AP5Z1: variants seen among roughly 807,000 people sequenced by gnomAD.
The protein encoded by AP5Z1 is adaptor related protein complex 5 subunit zeta 1.
AP5Z1 carries 106 observed loss-of-function variants against 83.0 expected under a neutral mutation model. The observed-to-expected ratio is 1.28, with a 90% CI of 1.09 to 1.50. The LOEUF is 1.50. Ranked by LOEUF, AP5Z1 falls within the 40% of genes most tolerant of loss-of-function variation. The pLI is 0.00. For missense variants in AP5Z1, 1,565 were observed against 1,094.2 expected (o/e 1.43, Z -6.07); for synonymous variants, 751 against 514.1 (o/e 1.46, Z -6.23).
At chr7:4,779,653 T>C (rs1781327671) in intron 1 of AP5Z1, among the ~76,000 whole-genome samples, 1 of 151,498 alleles carries the variant, frequency 6.6e-6, no homozygotes, top group African/African-American at 2.4e-5. Flanking sequence ...TTTTTTTTTG[T>C]TTTTGAGACG....
chr7:4,785,500 TG>T (rs2115113178), intron 8 of AP5Z1, 21 bp from the exon 9 acceptor site: 2 of 1,613,340 alleles, frequency 1.2e-6, no homozygotes, highest in Non-Finnish European at 1.7e-6. Context: ...TCGGCCCATT[TG>T]ATGTGGTCCA....
chr7:4,791,011 AGCTAAAGCCACTCTGCTGG>A, intron 16 of AP5Z1, 85 bp from the exon 17 acceptor site: 5 of 1,468,088 alleles, frequency 3.4e-6, no homozygotes, highest in Non-Finnish European at 4.5e-6. Flanking sequence ...GGCCCTGCTG[AGCTAAAGCCACTCTGCTGG>A]GCGCTTCAGG....
In AP5Z1 at chr7:4,785,408, C is replaced by T. The variant is rs772427804; in HGVS notation, c.932-7C>T. ...CAGAGCCGGCTGACTTTTTCCCCTC[C>T]TTCCAGGAGCCCTGAGGAAGGGGGA... is the stretch of plus-strand genomic sequence containing the variant. On this transcript the variant is annotated splice_polypyrimidine_tract_variant and splice_region_variant and intron_variant, in intron 7 of 16. Coordinates refer to ENST00000649063, the MANE Select transcript of AP5Z1 (RefSeq NM_014855.3). 5.0e-6 allele frequency: 8 copies of T among 1,612,774 alleles called. No individual in the cohort carries two copies. In the African/African-American group the frequency reaches 8.0e-5, roughly 16 times the overall value.
chr7:4,789,691 G>T, intron 13 of AP5Z1, 141 bp from the exon 14 acceptor site: 2 of 612,856 alleles, frequency 3.3e-6, no homozygotes, highest in Non-Finnish European at 5.6e-6. Flanking sequence ...GAGTCTCTGT[G>T]TCCCTGGGTG....
In AP5Z1 at chr7:4,787,700, G is replaced by A. The variant is rs371881628; in HGVS notation, c.1378G>A (p.Ala460Thr). 6.5e-5 allele frequency: 101 copies of A among 1,551,498 alleles called. No homozygotes were observed. The South Asian group carries it at 7.8e-4, about 12-fold the overall frequency. ...FVALLPALVD[A>T]GTALEMLHAL... is the part of the protein sequence containing the mutation. ...GGCGCTCCTCCCGGCCCTGGTGGAC[G>A]CTGGCACAGCCCTGGAGATGCTGCA... The change falls in exon 11 of 17, where the codon GCT becomes ACT. Residue 460 changes from alanine to threonine, a missense_variant. Transcript: ENST00000649063.
intron 12 of AP5Z1, 181 bp downstream of exon 12, chr7:4,788,475 C>T (rs1781631485): frequency 6.4e-6 from 5 of 784,464 alleles, no homozygotes; most frequent in East Asian, 2.9e-5. Flanking sequence ...CTGCCGGGGG[C>T]GGGGCCTGGT....
At position 4,787,712 on chromosome 7, in the gene AP5Z1, C is replaced by T. The variant is rs1389364627; in HGVS notation, c.1390C>T (p.Leu464=). The part of the protein sequence containing the change: ...LPALVDAGTA[L]EMLHALLDLP... ...GGCCCTGGTGGACGCTGGCACAGCC[C>T]TGGAGATGCTGCACGCGCTGCTGGA... The change falls in exon 11 of 17, where the codon CTG becomes TTG. Residue 464 remains leucine, a synonymous_variant. Coordinates refer to ENST00000649063, the MANE Select transcript of AP5Z1 (RefSeq NM_014855.3). 3.9e-6 allele frequency: 6 copies of T among 1,550,674 alleles called. No individual in the cohort carries two copies. The highest frequency in any genetic ancestry group is 4.9e-5 in the East Asian group (2 of 41,172).
Position 4,787,654 on chromosome 7 carries a change from A to C in AP5Z1, c.1332A>C (p.Pro444=). ...NLFKFLAWNS[P]PLTSEFVALL... ...CACAGTTCCTGGCCTGGAACAGCCC[A>C]CCCCTCACCTCCGAGTTTGTGGCGC... Residue 444 remains proline, a synonymous_variant, in exon 11 of 17, where the codon CCA becomes CCC. Transcript: ENST00000649063. 2 of 1,552,960 alleles carry C rather than the reference A, an allele frequency of 1.3e-6. No homozygotes were observed. Among genetic ancestry groups the C allele is most frequent in the Admixed American group, 1.9e-5 (1 of 51,496 alleles).
rs74498274 is a variant in AP5Z1 at position 4,784,680 on chromosome 7, C to T, written c.791-228C>T. ...GTTGTTGGAGTGACGCCACTGAGCT[C>T]CTCCCGGCTGCTCTGTGGACTTGTT... On this transcript the variant is annotated intron_variant, in intron 6 of 16. Transcript: ENST00000649063. Among the ~76,000 whole-genome samples the T allele has an allele frequency of 0.028, 4,298 of 152,266 alleles. 202 individuals carry two copies. Among genetic ancestry groups the T allele is most frequent in the African/African-American group, 0.097 (4,035 of 41,540 alleles).
intron 15 of AP5Z1, 40 bp from the exon 16 acceptor site, chr7:4,790,633 G>GGA: frequency 4.3e-6 from 7 of 1,612,332 alleles, no homozygotes; most frequent in Non-Finnish European, 5.9e-6. Context: ...CCTGACCCAG[G>GGA]AGGCCTGGGT....
At chr7:4,785,997 C>A (rs1435683298) in intron 9 of AP5Z1, among the ~76,000 whole-genome samples, 1 of 152,164 alleles carries the variant, frequency 6.6e-6, no homozygotes, top group African/African-American at 2.4e-5. Flanking sequence ...TGCTGTGTCC[C>A]TAGCCCAGGA....
At chr7:4,776,181 G>C (rs1187489647) in intron 1 of AP5Z1, among the ~76,000 whole-genome samples, 1 of 151,470 alleles carries the variant, frequency 6.6e-6, no homozygotes, top group Non-Finnish European at 1.5e-5. Flanking sequence ...GAGGCCATCC[G>C]AGGGCTTTGC....
intron 14 of AP5Z1, chr7:4,790,142 G>C (rs962468988): frequency 6.8e-7 from 1 of 1,471,774 alleles, no homozygotes; most frequent in Non-Finnish European, 9.0e-7. Context: ...TCTTTCTGCC[G>C]AGCCTGTCCT....
Position 4,791,639 on chromosome 7 carries a change from G to A in AP5Z1, c.*254G>A. 1 of 550,116 alleles carries A rather than the reference G, an allele frequency of 1.8e-6. No homozygotes were observed. The highest frequency in any genetic ancestry group is 3.1e-6 in the Non-Finnish European group (1 of 319,492). 34.1% of individuals were successfully genotyped at this position (550,116 alleles called of 1,614,324 possible). ...GTGCCATGGAGCGGCTCTGATTGGA[G>A]GCTTGAGGCCCTGTGGCTGGGTCGG... is the stretch of plus-strand genomic sequence containing the variant. On this transcript the variant is annotated 3_prime_UTR_variant, in exon 17 of 17. Transcript: ENST00000649063.
At chr7:4,791,083 C>G (rs1781753304) in intron 16 of AP5Z1, 32 bp from the exon 17 acceptor site, 4 of 1,537,870 alleles carry the variant, frequency 2.6e-6, no homozygotes, top group Admixed American at 1.9e-5. Context: ...AGGGGAGCAT[C>G]TGCAGCTGAC....
rs746346984 is a variant in AP5Z1 at position 4,789,900 on chromosome 7, G to C, written c.1776G>C (p.Pro592=). 2 of 1,550,192 alleles carry C rather than the reference G, an allele frequency of 1.3e-6. No homozygotes were observed. Among genetic ancestry groups the C allele is most frequent in the South Asian group, 1.2e-5 (1 of 83,992 alleles). The part of the protein sequence containing the change: ...LLLGRSDSLY[P]APGYAAGVHS... ...TGGGCAGGAGCGACTCGCTCTACCC[G>C]GCCCCAGGGTACGCTGCCGGTGTGC... The change falls in exon 14 of 17, where the codon CCG becomes CCC. Residue 592 remains proline (P), a synonymous_variant. Transcript: ENST00000649063.
intron 10 of AP5Z1, among the ~76,000 whole-genome samples, chr7:4,787,078 C>T (rs1226970274): frequency 1.3e-5 from 2 of 152,040 alleles, no homozygotes; most frequent in Admixed American, 1.3e-4. Flanking sequence ...GGCCTGGTGC[C>T]ATTTGCTTTT....
At position 4,790,538 on chromosome 7, in the gene AP5Z1, T is replaced by C; in HGVS notation, c.1885T>C (p.Phe629Leu). The C allele has an allele frequency of 1.2e-6, 2 of 1,612,992 alleles. No individual in the cohort carries two copies. Among genetic ancestry groups the C allele is most frequent in the Non-Finnish European group, 1.7e-6 (2 of 1,179,818 alleles). The change falls in exon 15 of 17, where the codon TTC becomes CTC. Residue 629 changes from phenylalanine (F) to leucine (L), a missense_variant. Phe to Leu is a conservative substitution (Grantham distance 22). Transcript: ENST00000649063. ...GGAGCTGGCAAGAGACCTGCTGGAG[T>C]TCCTGGGCAGCGTGAATGGTCTCTG... ...VVELARDLLE[F>L]LGSVNGLCSR...
intron 4 of AP5Z1, 21 bp downstream of exon 4, chr7:4,783,481 G>A (rs1781441954): frequency 6.2e-7 from 1 of 1,607,520 alleles, no homozygotes; most frequent in Non-Finnish European, 8.5e-7. Flanking sequence ...CCCCTCCCAA[G>A]AGGCTGTTGG....
Sources: allele counts gnomAD v4.1 joint callset (sites outside exome capture counted in the v4.1 genomes callset), GRCh38; gene constraint gnomAD v4.1.1; transcripts MANE v1.5; gene names NCBI Gene and HGNC (gene_info 2026-07-23, HGNC 2026-07-21).